ENPP3: variants seen among roughly 807,000 people sequenced by gnomAD.
ENPP3 encodes ectonucleotide pyrophosphatase/phosphodiesterase family member 3.
Under a neutral mutation model 117.8 loss-of-function variants are expected in ENPP3, and 104 were observed. The observed-to-expected ratio is 0.88, with a 90% CI of 0.75 to 1.04. ENPP3 has a LOEUF of 1.04. Ranked by LOEUF, ENPP3 falls within the 50% of genes least tolerant of loss-of-function variation. The pLI, the probability that ENPP3 is intolerant of heterozygous loss-of-function variation, is 0.00. For missense variants in ENPP3, 1,026 were observed against 1,051.9 expected (o/e 0.98, Z 0.34); for synonymous variants, 380 against 349.9 (o/e 1.09, Z -0.96).
intron 1 of ENPP3, among the ~76,000 whole-genome samples, chr6:131,640,159 G>C (rs1265932457): frequency 1.3e-5 from 2 of 152,160 alleles, no homozygotes; most frequent in Admixed American, 1.3e-4. Flanking sequence ...AGTTTGAACA[G>C]CAAAAGTACC....
chr6:131,728,926 G>A (rs1437697361), intron 20 of ENPP3, among the ~76,000 whole-genome samples: 1 of 152,180 alleles, frequency 6.6e-6, no homozygotes, highest in African/African-American at 2.4e-5. Context: ...GTTGCTAGGT[G>A]ATAAATTGAA....
chr6:131,654,503 C>T (rs765148070), intron 5 of ENPP3, among the ~76,000 whole-genome samples: 11 of 151,344 alleles, frequency 7.3e-5, no homozygotes, highest in South Asian at 2.1e-4. Context: ...AGTGCAGTGG[C>T]GTGATCATGA....
chr6:131,666,173 G>T (rs768784034), intron 6 of ENPP3, among the ~76,000 whole-genome samples: 2 of 151,800 alleles, frequency 1.3e-5, no homozygotes, highest in Admixed American at 1.3e-4. Flanking sequence ...AAAACATGTT[G>T]TGTTGGGTTT....
chr6:131,717,351 G>GGGT (rs1314774220), intron 15 of ENPP3, among the ~76,000 whole-genome samples: 3 of 89,422 alleles, frequency 3.4e-5, no homozygotes, highest in Non-Finnish European at 5.9e-5. Context: ...CCCTGCGGGG[G>GGGT]GTGTGTGTGT....
At chr6:131,684,094 T>C (rs1282396267) in intron 12 of ENPP3, among the ~76,000 whole-genome samples, 2 of 152,118 alleles carry the variant, frequency 1.3e-5, no homozygotes, top group South Asian at 4.1e-4. Context: ...ATAGGTACTT[T>C]CCTAGATATG....
chr6:131,736,944 T>G (rs1780409672), intron 21 of ENPP3, among the ~76,000 whole-genome samples: 1 of 152,126 alleles, frequency 6.6e-6, no homozygotes, highest in African/African-American at 2.4e-5. Context: ...CTGGTATCAC[T>G]CAAACCTCTG....
chr6:131,684,532 A>G (rs1779106498), intron 12 of ENPP3, among the ~76,000 whole-genome samples: 1 of 152,126 alleles, frequency 6.6e-6, no homozygotes, highest in Non-Finnish European at 1.5e-5. Context: ...CTACAAAATT[A>G]GCCAGGTGTG....
At position 131,650,241 on chromosome 6, in the gene ENPP3, A is replaced by G. The variant is rs572794807; in HGVS notation, c.277+92A>G. ...TTTCTTTTCTTTCCTTTTTTTTGAG[A>G]CAGAGTGTCACTCTGTTGCCTAGGC... is the stretch of plus-strand genomic sequence containing the variant. On this transcript the variant is annotated intron_variant, in intron 3 of 24. Coordinates refer to ENST00000357639, the MANE Select transcript of ENPP3 (RefSeq NM_005021.5). 1.5e-5 allele frequency: 20 copies of G among 1,372,176 alleles called. No homozygotes were observed. In the East Asian group the frequency reaches 4.7e-4, roughly 32 times the overall value. The allele number at this position is 1,372,176 out of a possible 1,614,324, so 85.0% of individuals were successfully genotyped here.
chr6:131,718,653 T>C lies in ENPP3; in HGVS notation c.1413-19T>C, dbSNP rs1294121614. 1.5e-5 allele frequency: 20 copies of C among 1,342,832 alleles called. No individual in the cohort carries two copies. Among genetic ancestry groups the C allele is most frequent in the Non-Finnish European group, 2.1e-5 (20 of 937,662 alleles). 83.2% of individuals were successfully genotyped at this position (1,342,832 alleles called of 1,614,324 possible). On this transcript the variant is annotated intron_variant, in intron 15 of 24. Coordinates refer to ENST00000357639, the MANE Select transcript of ENPP3 (RefSeq NM_005021.5). The stretch of plus-strand genomic sequence containing the variant: ...TATCAATATATTGATCAGTGTGTAA[T>C]AATATTTTTTCTTTATAGGAGTAAA...
chr6:131,688,503 G>C (rs1350340827), intron 14 of ENPP3, among the ~76,000 whole-genome samples: 2 of 152,154 alleles, frequency 1.3e-5, no homozygotes, highest in Non-Finnish European at 2.9e-5. Context: ...CAAAAGAAAA[G>C]TTCTTGAAGA....
At chr6:131,649,537 T>C (rs545720272) in intron 2 of ENPP3, among the ~76,000 whole-genome samples, 1 of 152,128 alleles carries the variant, frequency 6.6e-6, no homozygotes, top group South Asian at 2.1e-4. Context: ...ATGTACTCCT[T>C]GTACATATCA....
At chr6:131,649,970 G>C (rs1440257011) in intron 2 of ENPP3, 57 bp from the exon 3 acceptor site, 3 of 1,600,554 alleles carry the variant, frequency 1.9e-6, no homozygotes, top group Non-Finnish European at 2.6e-6. Flanking sequence ...CCACTGCTTA[G>C]GTATGAGATA....
In ENPP3 at chr6:131,667,382, T is replaced by C. The variant is rs62423383; in HGVS notation, c.563-3866T>C. ...TTCCTCCCCTGGGAGAAGCTGGGAGTTGGGGTTATTGCCTGATTTCTCTGT... is the reference window on the plus strand; with the variant it reads ...TTCCTCCCCTGGGAGAAGCTGGGAGCTGGGGTTATTGCCTGATTTCTCTGT... On this transcript the variant is annotated intron_variant, in intron 6 of 24. Coordinates refer to ENST00000357639, the MANE Select transcript of ENPP3 (RefSeq NM_005021.5). 1.6e-3 allele frequency among the ~76,000 whole-genome samples: 242 copies of C among 151,996 alleles called. 1 individual carries two copies. The highest frequency in any genetic ancestry group is 3.1e-3 in the Non-Finnish European group (212 of 67,964).
rs367755420 is a variant in ENPP3, at chr6:131,722,381, C to G, written c.1722C>G (p.Asp574Glu). 6.2e-7 allele frequency: 1 copy of G among 1,613,924 alleles called. No homozygotes were observed. Among genetic ancestry groups the G allele is most frequent in the Admixed American group, 1.7e-5 (1 of 59,990 alleles). Residue 574 changes from aspartate to glutamate, a missense_variant, in exon 18 of 25, where the codon GAC becomes GAG. Coordinates refer to ENST00000357639, the MANE Select transcript of ENPP3 (RefSeq NM_005021.5). ...ATCCATTGCCCACAGAGTCTCTTGA[C>G]TGTTTCTGCCCTCACCTACAAAATG... ...FANPLPTESLDCFCPHLQNST... is the reference protein window; with the variant it reads ...FANPLPTESLECFCPHLQNST...
chr6:131,741,177 G>GA (rs950705455), intron 24 of ENPP3, among the ~76,000 whole-genome samples: 31 of 152,052 alleles, frequency 2.0e-4, no homozygotes, highest in Non-Finnish European at 1.5e-5. Context: ...ATTCCTTATA[G>GA]AAAAAATATG....
At chr6:131,707,835 T>TA (rs1177544314) in intron 15 of ENPP3, among the ~76,000 whole-genome samples, 1 of 132,308 alleles carries the variant, frequency 7.6e-6, no homozygotes, top group Non-Finnish European at 1.5e-5. Flanking sequence ...AGGACAGCTC[T>TA]ATCTTGCCAG....
chr6:131,702,310 G>A (rs1208426128), intron 15 of ENPP3, among the ~76,000 whole-genome samples: 1 of 149,644 alleles, frequency 6.7e-6, no homozygotes, highest in Admixed American at 6.6e-5. Context: ...TACACCAGTG[G>A]TCATTCACCT....
At chr6:131,672,416 T>C (rs893828577) in intron 7 of ENPP3, among the ~76,000 whole-genome samples, 1 of 152,122 alleles carries the variant, frequency 6.6e-6, no homozygotes, top group Admixed American at 6.6e-5. Context: ...AGAGGAAATA[T>C]GTGTGTTAGG....
At chr6:131,695,154 T>A (rs959607960) in intron 15 of ENPP3, among the ~76,000 whole-genome samples, 2 of 152,092 alleles carry the variant, frequency 1.3e-5, no homozygotes, top group Non-Finnish European at 2.9e-5. Context: ...AAAATTAAGC[T>A]CTACTAATAT....
Sources: allele counts gnomAD v4.1 joint callset (sites outside exome capture counted in the v4.1 genomes callset), GRCh38; gene constraint gnomAD v4.1.1; transcripts MANE v1.5; gene names NCBI Gene and HGNC (gene_info 2026-07-23, HGNC 2026-07-21).